The following NALCN variants were observed in gnomAD, a reference collection of about 807,000 sequenced individuals.
NALCN encodes the protein sodium leak channel NALCN.
Under a neutral mutation model 225.3 loss-of-function variants are expected in NALCN, and 111 were observed. The observed-to-expected ratio is 0.49, with a 90% CI of 0.42 to 0.58. NALCN has a LOEUF of 0.58. Among genes scored for constraint, NALCN ranks in the 20% least tolerant of loss-of-function variants. The pLI, the probability that NALCN is intolerant of heterozygous loss-of-function variation, is 0.00. For synonymous variants in NALCN, 764 were observed against 769.0 expected, an observed-to-expected ratio of 0.99 and a Z score of 0.11; for missense variants, 1,378 against 2,202.4, an observed-to-expected ratio of 0.63 and a Z score of 7.49.
chr13:101,189,148 C>T (rs937954032), intron 14 of NALCN, among the ~76,000 whole-genome samples: 3 of 152,080 alleles, frequency 2.0e-5, no homozygotes, highest in Admixed American at 6.6e-5. Flanking sequence ...TAGTGTTACA[C>T]AAACTGAGTC....
intron 13 of NALCN, among the ~76,000 whole-genome samples, chr13:101,201,544 T>A (rs112338545): frequency 1.6e-4 from 24 of 152,352 alleles, no homozygotes; most frequent in African/African-American, 3.6e-4. Flanking sequence ...TACCTATTTA[T>A]CAGTTGATAT....
intron 27 of NALCN, among the ~76,000 whole-genome samples, chr13:101,100,021 C>T (rs1431386404): frequency 6.6e-6 from 1 of 152,122 alleles, no homozygotes; most frequent in East Asian, 1.9e-4. Context: ...CCCTTATAAC[C>T]AATGACTGAA....
intron 10 of NALCN, among the ~76,000 whole-genome samples, chr13:101,259,076 A>C (rs760333765): frequency 5.3e-5 from 8 of 152,114 alleles, no homozygotes; most frequent in Non-Finnish European, 1.0e-4. Context: ...ATTTTACTAC[A>C]ACTTCTAGTA....
chr13:101,412,431 C>T (rs2047815970), intron 1 of NALCN, among the ~76,000 whole-genome samples: 1 of 152,180 alleles, frequency 6.6e-6, no homozygotes, highest in South Asian at 2.1e-4. Context: ...ACTTCTAATT[C>T]TTCCACTCCT....
chr13:101,240,339 T>TTC (rs1024209352), intron 11 of NALCN, among the ~76,000 whole-genome samples: 10 of 150,408 alleles, frequency 6.6e-5, no homozygotes, highest in Admixed American at 1.3e-4. Context: ...CTATCTTTCT[T>TTC]TCTCTCTCTC....
At chr13:101,075,986 A>G (rs2033227957) in intron 34 of NALCN, 45 bp from the exon 35 acceptor site, 4 of 1,546,068 alleles carry the variant, frequency 2.6e-6, no homozygotes, top group Non-Finnish European at 1.8e-6. Context: ...TGCACAAAAG[A>G]TCTTGTTACA....
Position 101,318,295 on chromosome 13 carries a change from C to T in NALCN, c.800-25929G>A, listed in dbSNP as rs561329727. Among the ~76,000 whole-genome samples the T allele has an allele frequency of 5.3e-5, 8 of 152,240 alleles. No individual in the cohort carries two copies. In the South Asian group the frequency reaches 1.7e-3, roughly 32 times the overall value. ...GTGCATGAGTGAGTGAGCATGGAGT[C>T]TGGCCATGGTGCACAGCCAGACACG... On this transcript the variant is annotated intron_variant, in intron 7 of 43. Coordinates refer to ENST00000251127, the MANE Select transcript of NALCN (RefSeq NM_052867.4).
chr13:101,253,330 G>A (rs376883046), intron 11 of NALCN, among the ~76,000 whole-genome samples: 3 of 152,140 alleles, frequency 2.0e-5, no homozygotes, highest in Non-Finnish European at 4.4e-5. Context: ...AATGGGTAAA[G>A]TGCTTTATTT....
chr13:101,310,947 G>C (rs947521779), intron 7 of NALCN, among the ~76,000 whole-genome samples: 3 of 151,976 alleles, frequency 2.0e-5, no homozygotes, highest in Admixed American at 2.0e-4. Context: ...AAATTACCAT[G>C]GGCAGTGTGG....
At chr13:101,122,287 T>C (rs954553419) in intron 18 of NALCN, among the ~76,000 whole-genome samples, 1 of 152,246 alleles carries the variant, frequency 6.6e-6, no homozygotes, top group African/African-American at 2.4e-5. Context: ...ATCAAATTTG[T>C]ATTTTAAAAA....
In NALCN at chr13:101,292,663, T is replaced by C. The variant is rs1015781192; in HGVS notation, c.800-297A>G. On this transcript the variant is annotated intron_variant, in intron 7 of 43. Transcript: ENST00000251127. This position sits in a 1 kb window ranked among gnomAD's most constrained non-coding sequence, Gnocchi z 4.3. Reference sequence around the variant, plus strand: ...AAAGGAAATAAACAGTCAAACCAAGTATATATATGTATAATTAAAAAAAGG... The same window carrying C: ...AAAGGAAATAAACAGTCAAACCAAGCATATATATGTATAATTAAAAAAAGG... Among the ~76,000 whole-genome samples, 3 of 152,166 alleles carry C rather than the reference T, an allele frequency of 2.0e-5. No individual in the cohort carries two copies. The highest frequency in any genetic ancestry group is 7.2e-5 in the African/African-American group (3 of 41,448).
intron 17 of NALCN, among the ~76,000 whole-genome samples, chr13:101,135,210 C>CA (rs1242321225): frequency 6.6e-6 from 1 of 152,080 alleles, no homozygotes; most frequent in Non-Finnish European, 1.5e-5. Flanking sequence ...AACAAACAAA[C>CA]AAAACTATAA....
chr13:101,196,895 C>A (rs1015942499), intron 13 of NALCN, among the ~76,000 whole-genome samples: 1 of 152,080 alleles, frequency 6.6e-6, no homozygotes, highest in Non-Finnish European at 1.5e-5. Flanking sequence ...CTGGGGCTTT[C>A]GACACCCCTC....
intron 6 of NALCN, among the ~76,000 whole-genome samples, chr13:101,350,229 T>C (rs2045869535): frequency 1.3e-5 from 2 of 152,170 alleles, no homozygotes; most frequent in Non-Finnish European, 2.9e-5. Context: ...CTGAAGGATC[T>C]GGCTCCTCCC....
At chr13:101,166,457 G>A (rs2139891516) in intron 15 of NALCN, among the ~76,000 whole-genome samples, 1 of 151,654 alleles carries the variant, frequency 6.6e-6, no homozygotes, top group East Asian at 1.9e-4. Context: ...GTATCTCATT[G>A]TGGTTTCTAT....
Position 101,399,180 on chromosome 13 carries a change from A to C in NALCN, c.-39-15T>G. 1.2e-6 allele frequency: 2 copies of C among 1,603,466 alleles called. No individual in the cohort carries two copies. Among genetic ancestry groups the C allele is most frequent in the Non-Finnish European group, 1.7e-6 (2 of 1,173,064 alleles). On this transcript the variant is annotated splice_polypyrimidine_tract_variant and intron_variant, in intron 1 of 43. Transcript: ENST00000251127. ...AAAACCACAGTCTGGGAAAAGGAAA[A>C]GTTGTATTTGTCATCTAAACCATCT...
At chr13:101,385,821 C>T (rs922433540) in intron 3 of NALCN, among the ~76,000 whole-genome samples, 2 of 152,190 alleles carry the variant, frequency 1.3e-5, no homozygotes, top group African/African-American at 2.4e-5. Flanking sequence ...CTAAAACACA[C>T]CCTACCCTGC....
At chr13:101,366,815 T>C (rs2046388009) in intron 6 of NALCN, among the ~76,000 whole-genome samples, 1 of 152,194 alleles carries the variant, frequency 6.6e-6, no homozygotes, top group African/African-American at 2.4e-5. Flanking sequence ...TGTTGACATA[T>C]ATAACGCATT....
chr13:101,107,886 T>C (rs1214825759), intron 20 of NALCN, 97 bp from the exon 21 acceptor site: 1 of 656,836 alleles, frequency 1.5e-6, no homozygotes, highest in Non-Finnish European at 2.4e-6. Context: ...TCTCCCTCAA[T>C]ATAAAGTATA....
Sources: gnomAD v4.1 joint callset for allele counts (sites outside exome capture counted in the v4.1 genomes callset) on GRCh38, gnomAD v4.1.1 for gene constraint, Gnocchi (gnomAD v3.1) non-coding constraint, MANE v1.5 for transcripts, NCBI Gene and HGNC (gene_info 2026-07-23, HGNC 2026-07-21) for gene names.